DLGAP1: variants seen among roughly 807,000 people sequenced by gnomAD.
DLGAP1 encodes disks large-associated protein 1.
Under a neutral mutation model 90.8 loss-of-function variants are expected in DLGAP1, and 11 were observed. The ratio of observed to expected loss-of-function variants is 0.12; its 90% CI spans 0.08 to 0.20. The LOEUF (loss-of-function observed/expected upper bound fraction) is 0.20, where lower values mean the gene tolerates loss of function less well. Among genes scored for constraint, DLGAP1 ranks in the 10% least tolerant of loss-of-function variants. The probability of loss-of-function intolerance (pLI) is 1.00; values close to 1 mark genes in which losing one functional copy is unlikely to be tolerated. For synonymous variants in DLGAP1, 558 were observed against 540.7 expected, an observed-to-expected ratio of 1.03 and a Z score of -0.44; for missense variants, 1,050 against 1,333.8, an observed-to-expected ratio of 0.79 and a Z score of 3.31.
intron 1 of DLGAP1, among the ~76,000 whole-genome samples, chr18:4,296,344 AGAG>A (rs1174699859): frequency 6.6e-6 from 1 of 152,318 alleles, no homozygotes; most frequent in African/African-American, 2.4e-5. Flanking sequence ...ACACAAATAA[AGAG>A]GAGAAGTGAC....
chr18:4,382,230 G>A (rs2082139801), intron 1 of DLGAP1, among the ~76,000 whole-genome samples: 1 of 152,132 alleles, frequency 6.6e-6, no homozygotes, highest in African/African-American at 2.4e-5. Context: ...GTCAGATGCA[G>A]CTGGAGTCCC....
At chr18:4,318,060 C>T (rs752348526) in intron 1 of DLGAP1, among the ~76,000 whole-genome samples, 1 of 152,128 alleles carries the variant, frequency 6.6e-6, no homozygotes, top group African/African-American at 2.4e-5. Flanking sequence ...GTTGGCCAGG[C>T]CTTCTCAGCC....
At chr18:3,698,602 T>C (rs1286800223) in intron 7 of DLGAP1, among the ~76,000 whole-genome samples, 2 of 152,196 alleles carry the variant, frequency 1.3e-5, no homozygotes, top group Non-Finnish European at 1.5e-5. Context: ...GACCTTTCTC[T>C]CTGATGATTA....
chr18:3,724,738 A>G (rs994364392), intron 7 of DLGAP1, among the ~76,000 whole-genome samples: 2 of 152,036 alleles, frequency 1.3e-5, no homozygotes, highest in African/African-American at 2.4e-5. Context: ...TCCCATCTCA[A>G]AAAATGAAAA....
At chr18:4,079,123 A>G (rs2075566768) in intron 2 of DLGAP1, among the ~76,000 whole-genome samples, 1 of 152,168 alleles carries the variant, frequency 6.6e-6, no homozygotes, top group Non-Finnish European at 1.5e-5. Flanking sequence ...AGGATAGCCC[A>G]GCATAGATGG....
chr18:4,190,188 A>T (rs1568442143), intron 1 of DLGAP1, among the ~76,000 whole-genome samples: 1 of 152,152 alleles, frequency 6.6e-6, no homozygotes, highest in Non-Finnish European at 1.5e-5. Context: ...GTAATGTGAA[A>T]AAAAGAGCTA....
chr18:4,023,570 T>C (rs1210406098), intron 2 of DLGAP1, among the ~76,000 whole-genome samples: 1 of 152,230 alleles, frequency 6.6e-6, no homozygotes, highest in African/African-American at 2.4e-5. Context: ...TCAAAAGATG[T>C]TTTGAAGGAG....
At chr18:4,337,092 C>T (rs1349018165) in intron 1 of DLGAP1, among the ~76,000 whole-genome samples, 12 of 140,338 alleles carry the variant, frequency 8.6e-5, no homozygotes, top group Non-Finnish European at 7.5e-5. Flanking sequence ...CCAGCCTGGG[C>T]GACAGAGTGA....
chr18:4,406,183 G>C (rs990055910), intron 1 of DLGAP1, among the ~76,000 whole-genome samples: 1 of 152,204 alleles, frequency 6.6e-6, no homozygotes, highest in Non-Finnish European at 1.5e-5. Context: ...ATTGCCCTAT[G>C]CAGATGAAAA....
intron 3 of DLGAP1, among the ~76,000 whole-genome samples, chr18:3,898,674 C>T (rs530534667): frequency 4.6e-5 from 7 of 152,314 alleles, no homozygotes; most frequent in African/African-American, 2.4e-5. Context: ...GCTTTGCTAT[C>T]ACTGATGTGC....
At chr18:3,762,814 C>T (rs963671921) in intron 5 of DLGAP1, among the ~76,000 whole-genome samples, 1 of 152,172 alleles carries the variant, frequency 6.6e-6, no homozygotes, top group African/African-American at 2.4e-5. Flanking sequence ...CATTTCCAGG[C>T]TCTCCATAAT....
intron 5 of DLGAP1, among the ~76,000 whole-genome samples, chr18:3,785,538 A>G (rs1372632890): frequency 5.3e-5 from 8 of 152,190 alleles, no homozygotes; most frequent in Non-Finnish European, 5.9e-5. Context: ...ACATGGGGGA[A>G]TGTAGACCAT....
rs73369011 is a variant in DLGAP1, at chr18:4,144,558, C to T, written c.-159+6622G>A. Among the ~76,000 whole-genome samples the T allele has an allele frequency of 7.0e-3, 1,062 of 152,268 alleles. 9 individuals carry two copies. The highest frequency in any genetic ancestry group is 0.024 in the African/African-American group (993 of 41,532). On this transcript the variant is annotated intron_variant, in intron 2 of 12. Coordinates refer to ENST00000315677, the MANE Select transcript of DLGAP1 (RefSeq NM_004746.4). ...TCTTTTAGTGATATGAAGTTAACAC[C>T]AGGTACTGTGACCACTCACCTGATT...
intron 7 of DLGAP1, among the ~76,000 whole-genome samples, chr18:3,639,221 T>G (rs938227733): frequency 5.9e-5 from 9 of 151,912 alleles, no homozygotes; most frequent in Admixed American, 6.6e-5. Flanking sequence ...CCAGGCGTGG[T>G]GGTGGGTGCC....
intron 1 of DLGAP1, among the ~76,000 whole-genome samples, chr18:4,242,145 T>C (rs2078549849): frequency 6.6e-6 from 1 of 152,122 alleles, no homozygotes; most frequent in African/African-American, 2.4e-5. Context: ...TGATTCTGAT[T>C]TTTTGTAGAA....
intron 3 of DLGAP1, among the ~76,000 whole-genome samples, chr18:3,950,895 A>G (rs546927552): frequency 6.6e-6 from 1 of 152,372 alleles, no homozygotes; most frequent in South Asian, 2.1e-4. Context: ...AGGTATTGAT[A>G]TGAATGAACT....
chr18:4,421,686 A>T (rs1169330657), intron 1 of DLGAP1, among the ~76,000 whole-genome samples: 1 of 152,094 alleles, frequency 6.6e-6, no homozygotes, highest in Non-Finnish European at 1.5e-5. Flanking sequence ...AAATGTGCAT[A>T]TTGCCTTTAT....
At chr18:4,300,204 A>C (rs544335) in intron 1 of DLGAP1, among the ~76,000 whole-genome samples, 125,750 of 152,096 alleles carry the variant, frequency 0.83, 52,782 homozygotes, top group East Asian at 0.96. Context: ...ATTTAAACTT[A>C]TTATTTACCT....
chr18:3,597,214 A>C (rs771239481), intron 7 of DLGAP1: 1 of 516,850 alleles, frequency 1.9e-6, no homozygotes, highest in African/African-American at 1.9e-5. Flanking sequence ...TTTACCTCCT[A>C]GTATCATTTC....
Sources: allele counts gnomAD v4.1 joint callset (sites outside exome capture counted in the v4.1 genomes callset), GRCh38; gene constraint gnomAD v4.1.1; transcripts MANE v1.5; gene names NCBI Gene and HGNC (gene_info 2026-07-23, HGNC 2026-07-21).